TNFRSF21: variants seen among roughly 807,000 people sequenced by gnomAD.
The protein encoded by TNFRSF21 is tumor necrosis factor receptor superfamily member 21.
Under a neutral mutation model 45.6 loss-of-function variants are expected in TNFRSF21, and 19 were observed. That is an observed-to-expected ratio of 0.42 (90% CI 0.29 to 0.61). The LOEUF (loss-of-function observed/expected upper bound fraction) is 0.61. Ranked by LOEUF, TNFRSF21 falls within the 20% of genes least tolerant of loss-of-function variation. The probability of loss-of-function intolerance (pLI) is 0.23; values close to 1 mark genes in which losing one functional copy is unlikely to be tolerated. For synonymous variants in TNFRSF21, 314 were observed against 335.5 expected (o/e 0.94, Z 0.70); for missense variants, 737 against 851.5 (o/e 0.87, Z 1.67).
At chr6:47,307,332 G>A (rs1762954500) in intron 1 of TNFRSF21, among the ~76,000 whole-genome samples, 1 of 152,090 alleles carries the variant, frequency 6.6e-6, no homozygotes, top group South Asian at 2.1e-4. Context: ...GTCTTTAGTT[G>A]CAAATCCAGT....
At chr6:47,270,052 A>G (rs1044203468) in intron 3 of TNFRSF21, among the ~76,000 whole-genome samples, 8 of 152,222 alleles carry the variant, frequency 5.3e-5, no homozygotes, top group Admixed American at 3.9e-4. Context: ...ACAAAGATGC[A>G]CTGATCTGTG....
intron 4 of TNFRSF21, among the ~76,000 whole-genome samples, chr6:47,241,140 G>A (rs1764738110): frequency 6.6e-6 from 1 of 152,086 alleles, no homozygotes. Flanking sequence ...CTGAATCTAT[G>A]TGGTCTTTAG....
rs1221918117 is a variant in TNFRSF21 at position 47,309,404 on chromosome 6, G to T, written c.96+12C>A. 10 of 1,533,332 alleles carry T rather than the reference G, an allele frequency of 6.5e-6. No individual in the cohort carries two copies. In the South Asian group the frequency reaches 1.2e-4, roughly 18 times the overall value. 95.0% of individuals were successfully genotyped at this position (1,533,332 alleles called of 1,614,324 possible). A position where few individuals can be genotyped will look rare whatever the true frequency, so the allele number is the denominator to read the frequency against. On this transcript the variant is annotated intron_variant, in intron 1 of 5. Transcript: ENST00000296861. ...GGCGCCGCCGCCACCCCCGGTCCAC[G>T]CAAGCGCTCACCAGGAGAAGGGAGC... is the stretch of plus-strand genomic sequence containing the variant.
intron 3 of TNFRSF21, among the ~76,000 whole-genome samples, chr6:47,255,899 AG>A (rs1764980664): frequency 6.6e-6 from 1 of 152,338 alleles, no homozygotes; most frequent in Admixed American, 6.5e-5. Context: ...TAGGAGAGAA[AG>A]GAAAAGAGAA....
At chr6:47,270,981 GAAAC>G (rs1561945234) in intron 3 of TNFRSF21, among the ~76,000 whole-genome samples, 1 of 152,140 alleles carries the variant, frequency 6.6e-6, no homozygotes, top group African/African-American at 2.4e-5. Flanking sequence ...AGAGTAAAAA[GAAAC>G]AAACAGAGCC....
At chr6:47,302,253 A>G (rs1209094693) in intron 1 of TNFRSF21, among the ~76,000 whole-genome samples, 1 of 152,158 alleles carries the variant, frequency 6.6e-6, no homozygotes, top group Non-Finnish European at 1.5e-5. Context: ...ACCAGTTTCT[A>G]AGAGACCTGA....
intron 3 of TNFRSF21, among the ~76,000 whole-genome samples, chr6:47,267,056 T>A (rs1395835591): frequency 6.6e-6 from 1 of 151,452 alleles, no homozygotes; most frequent in African/African-American, 2.4e-5. Context: ...ATTGTTAGAG[T>A]CAGACTACCC....
intron 3 of TNFRSF21, among the ~76,000 whole-genome samples, chr6:47,279,601 A>G (rs556656628): frequency 2.0e-5 from 3 of 152,298 alleles, no homozygotes; most frequent in Non-Finnish European, 2.9e-5. Flanking sequence ...TAAATCCTTA[A>G]TTTTTAATTA....
At chr6:47,290,061 C>T (rs1342282909) in intron 1 of TNFRSF21, among the ~76,000 whole-genome samples, 1 of 152,188 alleles carries the variant, frequency 6.6e-6, no homozygotes, top group Non-Finnish European at 1.5e-5. Flanking sequence ...ACTAAACACC[C>T]AACCCAAGAG....
At chr6:47,255,133 C>G (rs986514199) in intron 3 of TNFRSF21, among the ~76,000 whole-genome samples, 4 of 152,200 alleles carry the variant, frequency 2.6e-5, no homozygotes, top group Admixed American at 2.6e-4. Context: ...GCTCAGCAGT[C>G]ACTTGAAAAC....
intron 3 of TNFRSF21, among the ~76,000 whole-genome samples, chr6:47,273,790 A>C (rs1762459651): frequency 6.6e-6 from 1 of 151,250 alleles, no homozygotes; most frequent in Non-Finnish European, 1.5e-5. Context: ...AATCTCCTTA[A>C]GCTGAGGATA....
intron 4 of TNFRSF21, among the ~76,000 whole-genome samples, chr6:47,244,092 C>T (rs1329199566): frequency 3.9e-5 from 6 of 152,222 alleles, no homozygotes; most frequent in East Asian, 1.9e-4. Context: ...GAGGCCGAGG[C>T]GGGCGGATCA....
chr6:47,273,912 C>T (rs1487327324), intron 3 of TNFRSF21, among the ~76,000 whole-genome samples: 1 of 152,064 alleles, frequency 6.6e-6, no homozygotes, highest in Non-Finnish European at 1.5e-5. Context: ...AATAAAATAC[C>T]TAGGAATCCA....
At chr6:47,304,967 T>C (rs1027318769) in intron 1 of TNFRSF21, among the ~76,000 whole-genome samples, 30 of 152,340 alleles carry the variant, frequency 2.0e-4, no homozygotes, top group African/African-American at 4.6e-4. Flanking sequence ...CGCTCCCCAT[T>C]CCTCTGATTA....
chr6:47,291,473 C>T (rs563085617), intron 1 of TNFRSF21, among the ~76,000 whole-genome samples: 124 of 152,184 alleles, frequency 8.1e-4, no homozygotes, highest in African/African-American at 2.8e-3. Context: ...GTGGCGGATG[C>T]GGAAATGGAG....
At chr6:47,233,388 CT>C in intron 5 of TNFRSF21, among the ~76,000 whole-genome samples, 1 of 152,300 alleles carries the variant, frequency 6.6e-6, no homozygotes, top group South Asian at 2.1e-4. Context: ...ACCTTTACTG[CT>C]TTCCCTATCT....
At chr6:47,261,100 C>A (rs4715001) in intron 3 of TNFRSF21, among the ~76,000 whole-genome samples, 75,567 of 151,936 alleles carry the variant, frequency 0.5, 20,933 homozygotes, top group African/African-American at 0.76. Context: ...AACACCCCCC[C>A]AAACCTCCCT....
chr6:47,292,009 T>C (rs942774874), intron 1 of TNFRSF21, among the ~76,000 whole-genome samples: 1 of 152,214 alleles, frequency 6.6e-6, no homozygotes, highest in Non-Finnish European at 1.5e-5. Context: ...CCCACTCGCC[T>C]GGTGGCAGCC....
intron 2 of TNFRSF21, 114 bp from the exon 3 acceptor site, chr6:47,284,546 C>T: frequency 3.3e-6 from 4 of 1,212,430 alleles, no homozygotes; most frequent in Non-Finnish European, 4.3e-6. Flanking sequence ...ATAAGATGAC[C>T]CTTGGGGCTT....
Sources: gnomAD v4.1 joint callset for allele counts (sites outside exome capture counted in the v4.1 genomes callset) on GRCh38, gnomAD v4.1.1 for gene constraint, MANE v1.5 for transcripts, NCBI Gene and HGNC (gene_info 2026-07-23, HGNC 2026-07-21) for gene names.